Variants in PRDM10 observed in about 807,000 individuals in gnomAD.
PRDM10 encodes the protein PR/SET domain 10.
A neutral mutation model predicts 133.1 loss-of-function variants in PRDM10; 65 were observed. The observed-to-expected ratio is 0.49, with a 90% CI of 0.40 to 0.60. PRDM10 has a LOEUF of 0.60. Among genes scored for constraint, PRDM10 ranks in the 20% least tolerant of loss-of-function variants. PRDM10 has a pLI of 0.00. For synonymous variants in PRDM10, 582 were observed against 580.4 expected (o/e 1.00, Z -0.04); for missense variants, 1,137 against 1,507.1 (o/e 0.75, Z 4.07).
At chr11:129,995,712 G>A (rs964247583) in intron 1 of PRDM10, among the ~76,000 whole-genome samples, 2 of 152,128 alleles carry the variant, frequency 1.3e-5, no homozygotes, top group Non-Finnish European at 2.9e-5. Context: ...TTGGGAGGCC[G>A]AGGCAGGCCG....
chr11:129,949,324 T>C (rs1951517208), intron 4 of PRDM10, among the ~76,000 whole-genome samples: 1 of 152,218 alleles, frequency 6.6e-6, no homozygotes, highest in Non-Finnish European at 1.5e-5. Flanking sequence ...CCTCAGGTTG[T>C]TGTATTAAGT....
intron 1 of PRDM10, among the ~76,000 whole-genome samples, chr11:129,988,920 C>T (rs994943612): frequency 3.3e-5 from 5 of 152,218 alleles, no homozygotes; most frequent in Admixed American, 1.3e-4. Context: ...TGAGCCACTG[C>T]GCCCGGCCAA....
intron 1 of PRDM10, among the ~76,000 whole-genome samples, chr11:129,979,884 C>T (rs750344087): frequency 1.3e-5 from 2 of 152,246 alleles, no homozygotes; most frequent in East Asian, 1.9e-4. Flanking sequence ...CTCTGCCTCT[C>T]GGCAGCCCCT....
Position 129,905,673 on chromosome 11 carries a change from G to A in PRDM10, c.3232C>T (p.Pro1078Ser). 6.2e-7 allele frequency: 1 copy of A among 1,614,178 alleles called. No homozygotes were observed. Among genetic ancestry groups the A allele is most frequent in the Non-Finnish European group, 8.5e-7 (1 of 1,180,022 alleles). Residue 1078 changes from proline (P) to serine (S), a missense_variant, in exon 20 of 21, where the codon CCA becomes TCA. Physicochemically the swap from Pro to Ser is moderately conservative, Grantham distance 74 (BLOSUM62 -1). Transcript: ENST00000360871. ...GCCTTCACCTGGCCAGTAGTAACTG[G>A]AGTTGCCACACCACTGTCTGTAATC... is the stretch of plus-strand genomic sequence containing the variant. ...FVITDSGVAT[P>S]VTTGQVKAVT...
chr11:129,944,665 A>T, intron 6 of PRDM10, 106 bp downstream of exon 6: 1 of 1,453,182 alleles, frequency 6.9e-7, no homozygotes. Context: ...GAAGAATACT[A>T]GCAAACAACT....
At chr11:129,971,023 T>TTACAGCTCTTAAGGTG (rs1952010386) in intron 1 of PRDM10, among the ~76,000 whole-genome samples, 1 of 152,134 alleles carries the variant, frequency 6.6e-6, no homozygotes, top group African/African-American at 2.4e-5. Context: ...GCGATGAGTG[T>TTACAGCTCTTAAGGTG]TACAGCTCTT....
chr11:129,926,416 A>G (rs576999429), intron 11 of PRDM10, among the ~76,000 whole-genome samples: 1 of 152,332 alleles, frequency 6.6e-6, no homozygotes, highest in Admixed American at 6.5e-5. Flanking sequence ...TCCTTCAAGT[A>G]TATCTGTGAA....
rs2135689913 is a variant in PRDM10 at position 129,900,468 on chromosome 11, C to CATTTATGTT, written c.*1844_*1845insAACATAAAT. On this transcript the variant is annotated 3_prime_UTR_variant, in exon 21 of 21. Coordinates refer to ENST00000360871, the MANE Select transcript of PRDM10 (RefSeq NM_199437.2). ...AAACAACTGCCATAAAATGAACATT[C>CATTTATGTT]CATTCAGTGATTCTTTTCAGTTTTC... 6.5e-6 allele frequency: 1 copy of CATTTATGTT among 152,704 alleles called. No homozygotes were observed. Among genetic ancestry groups the CATTTATGTT allele is most frequent in the African/African-American group, 2.4e-5 (1 of 41,556 alleles). 9.5% of individuals were successfully genotyped at this position (152,704 alleles called of 1,614,324 possible). A position where few individuals can be genotyped will look rare whatever the true frequency, so the allele number is the denominator to read the frequency against.
intron 11 of PRDM10, among the ~76,000 whole-genome samples, chr11:129,930,579 T>G (rs1950821352): frequency 6.6e-6 from 1 of 152,222 alleles, no homozygotes; most frequent in South Asian, 2.1e-4. Context: ...TGATGAGTAA[T>G]GACATTTGCC....
At chr11:129,985,267 G>A (rs1938348536) in intron 1 of PRDM10, among the ~76,000 whole-genome samples, 2 of 151,612 alleles carry the variant, frequency 1.3e-5, no homozygotes, top group South Asian at 4.2e-4. Context: ...CTAAGAAAGT[G>A]TGTGTGTGTG....
intron 16 of PRDM10, 80 bp downstream of exon 16, chr11:129,915,580 G>T: frequency 7.0e-7 from 1 of 1,434,348 alleles, no homozygotes. Context: ...TCCAGGCCAT[G>T]TGGATGAGAA....
At chr11:129,941,279 C>T (rs1345364303) in intron 7 of PRDM10, among the ~76,000 whole-genome samples, 2 of 152,122 alleles carry the variant, frequency 1.3e-5, no homozygotes, top group African/African-American at 2.4e-5. Flanking sequence ...CCTCTTTTGG[C>T]ATGTTCTTAA....
intron 1 of PRDM10, among the ~76,000 whole-genome samples, chr11:129,979,918 T>A (rs1348678178): frequency 6.6e-6 from 1 of 152,258 alleles, no homozygotes; most frequent in Admixed American, 6.5e-5. Context: ...TCCTTAGGCA[T>A]ATGTCCCCTA....
chr11:129,915,403 C>T (rs1199124423), intron 16 of PRDM10, among the ~76,000 whole-genome samples: 1 of 152,212 alleles, frequency 6.6e-6, no homozygotes, highest in Admixed American at 6.5e-5. Flanking sequence ...AAACGTGAGG[C>T]CCTCCGCAGG....
intron 1 of PRDM10, among the ~76,000 whole-genome samples, chr11:129,979,575 C>A (rs1167521760): frequency 6.6e-6 from 1 of 152,206 alleles, no homozygotes; most frequent in Non-Finnish European, 1.5e-5. Flanking sequence ...CAGTTCCTGT[C>A]TCCCCAGCAA....
At chr11:129,950,353 G>A (rs2135896000) in intron 4 of PRDM10, among the ~76,000 whole-genome samples, 1 of 152,344 alleles carries the variant, frequency 6.6e-6, no homozygotes, top group African/African-American at 2.4e-5. Flanking sequence ...CCAGAAAGCA[G>A]ATCAAACCGG....
chr11:129,960,952 C>T lies in PRDM10; in HGVS notation c.13G>A (p.Asp5Asn), dbSNP rs1565496984. The T allele has an allele frequency of 2.5e-6, 4 of 1,614,156 alleles. No homozygotes were observed. MDSK[D>N]ESSHVWPTSA... Reference sequence around the variant, plus strand: ...GTCGGCCACACATGCGAGCTTTCATCTTTGGAATCCATCTTCTCCCAACTG... The same window carrying T: ...GTCGGCCACACATGCGAGCTTTCATTTTTGGAATCCATCTTCTCCCAACTG... The change falls in exon 2 of 21, where the codon GAT becomes AAT. Residue 5 changes from aspartate (D) to asparagine (N), a missense_variant. By Grantham distance (23) the Asp-to-Asn change is conservative. This residue lies in a region of PRDM10 where 635 missense variants were observed against 835.2 expected (regional missense o/e 0.76). Coordinates refer to ENST00000360871, the MANE Select transcript of PRDM10 (RefSeq NM_199437.2).
rs1335845341 is a variant in PRDM10 at position 129,923,189 on chromosome 11, A to G, written c.2034+59T>C. The G allele has an allele frequency of 1.3e-6, 2 of 1,487,772 alleles. No individual in the cohort carries two copies. The highest frequency in any genetic ancestry group is 1.4e-5 in the African/African-American group (1 of 71,012). The allele number at this position is 1,487,772 out of a possible 1,614,324, so 92.2% of individuals were successfully genotyped here. On this transcript the variant is annotated intron_variant, in intron 13 of 20. Coordinates refer to ENST00000360871, the MANE Select transcript of PRDM10 (RefSeq NM_199437.2). The surrounding 1 kb of genome is among the most constrained non-coding windows in gnomAD (Gnocchi z 4.4). ...ATGAAATGAACAGGCATTTACCCTC[A>G]GCTTGCTATAATTCCAGTGGCCACG...
rs775154994 is a variant in PRDM10 at position 129,915,875 on chromosome 11, G to A, written c.2326-15C>T. 20 of 1,609,978 alleles carry A rather than the reference G, an allele frequency of 1.2e-5. No individual in the cohort carries two copies. The highest frequency in any genetic ancestry group is 2.2e-5 in the East Asian group (1 of 44,810). ...CTTTTATAAACCTGCAAATGTAAGC[G>A]CCTTGCCATGAAAGCAGTATACAGT... On this transcript the variant is annotated splice_polypyrimidine_tract_variant and intron_variant, in intron 15 of 20. Transcript: ENST00000360871.
Sources: allele counts gnomAD v4.1 joint callset (sites outside exome capture counted in the v4.1 genomes callset), GRCh38; gene constraint gnomAD v4.1.1; regional missense constraint gnomAD v4.1.1; non-coding constraint Gnocchi (gnomAD v3.1); transcripts MANE v1.5; gene names NCBI Gene and HGNC (gene_info 2026-07-23, HGNC 2026-07-21).